SNURF: variants seen among roughly 807,000 people sequenced by gnomAD.
The protein encoded by SNURF is SNRPN upstream open reading frame, also known as SNURF protein.
Under a neutral mutation model 11.6 loss-of-function variants are expected in SNURF, and 6 were observed. The ratio of observed to expected loss-of-function variants is 0.52; its 90% confidence interval spans 0.28 to 1.02. The LOEUF is 1.02. Among genes scored for constraint, SNURF ranks in the 50% least tolerant of loss-of-function variants. The pLI is 0.09. For missense variants in SNURF, 84 were observed against 88.4 expected, an observed-to-expected ratio of 0.95 and a Z score of 0.20; for synonymous variants, 29 against 31.6, an observed-to-expected ratio of 0.92 and a Z score of 0.27.
At chr15:24,956,568 C>T (rs1263541786) in intron 1 of SNURF, among the ~76,000 whole-genome samples, 5 of 151,940 alleles carry the variant, frequency 3.3e-5, no homozygotes, top group Admixed American at 1.3e-4. Context: ...TGACAGTCGC[C>T]TCCGCTTGCA....
exon 3 of SNURF, chr15:24,968,319 GT>G (rs997261284): frequency 9.9e-5 from 30 of 302,344 alleles, no homozygotes; most frequent in Admixed American, 4.8e-4. Context: ...TTTCTTTTGC[GT>G]TTTTTTTAAT....
At chr15:24,978,174 C>G, downstream of SNURF, 1 of 1,607,474 alleles carries the variant, frequency 6.2e-7, no homozygotes, top group Non-Finnish European at 8.5e-7. Flanking sequence ...GCCTTTATTT[C>G]TACCATTTTT....
downstream of SNURF, among the ~76,000 whole-genome samples, chr15:24,969,843 A>G (rs2076175644): frequency 6.6e-6 from 1 of 152,194 alleles, no homozygotes. Flanking sequence ...CTATAAATGA[A>G]ATTTTATTGG....
rs71127030 is a variant in SNURF at position 24,958,486 on chromosome 15, G to GTTTTTTT, written c.14+3452_14+3458dup. On this transcript the variant is annotated intron_variant, in intron 1 of 2. Coordinates refer to ENST00000577949, the Ensembl canonical transcript of SNURF. ...ATTTCTGGATGCTAGCTGGCTCAAA[G>GTTTTTTT]TTTTTTTTTTTTTTTTTTTTTTTTT... Among the ~76,000 whole-genome samples, 12 of 65,298 alleles carry GTTTTTTT rather than the reference G, an allele frequency of 1.8e-4. 2 individuals carry two copies. The highest frequency in any genetic ancestry group is 5.2e-4 in the East Asian group (1 of 1,928). 42.8% of individuals were successfully genotyped at this position (65,298 alleles called of 152,430 possible).
intron 1 of SNURF, among the ~76,000 whole-genome samples, chr15:24,960,454 C>G (rs1237621501): frequency 6.6e-6 from 1 of 152,008 alleles, no homozygotes; most frequent in African/African-American, 2.4e-5. Flanking sequence ...GCCCTCTCAC[C>G]TTAGCCTCCT....
chr15:24,966,964 C>T (rs1241007391), intron 2 of SNURF: 1 of 152,076 alleles, frequency 6.6e-6, no homozygotes, highest in Non-Finnish European at 1.5e-5. Flanking sequence ...TCCCTGCTTA[C>T]CAGTAGATGA....
At chr15:24,978,578 C>T (rs2732052), downstream of SNURF, 285 of 818,358 alleles carry the variant, frequency 3.5e-4, 3 homozygotes, top group African/African-American at 3.0e-3. Context: ...AGCAATTAAA[C>T]TGTGAGGTAC....
exon 3 of SNURF, chr15:24,968,387 T>G (rs535006630): frequency 3.1e-5 from 6 of 191,120 alleles, no homozygotes; most frequent in Admixed American, 1.1e-4. Context: ...TGAATGTTTA[T>G]AATTTCCTTT....
chr15:24,967,360 C>A, intron 2 of SNURF: 1 of 155,104 alleles, frequency 6.4e-6, no homozygotes. Flanking sequence ...ATCTTCTTCC[C>A]TGGGCGTGGT....
chr15:24,966,294 T>G (rs1295936663), intron 2 of SNURF, among the ~76,000 whole-genome samples: 1 of 151,706 alleles, frequency 6.6e-6, no homozygotes, highest in Non-Finnish European at 1.5e-5. Flanking sequence ...GTTTTTTTTA[T>G]AAAGGATACA....
chr15:24,964,412 T>C (rs1244135189), intron 2 of SNURF, among the ~76,000 whole-genome samples: 1 of 152,050 alleles, frequency 6.6e-6, no homozygotes, highest in African/African-American at 2.4e-5. Flanking sequence ...CCTGCCTCAG[T>C]CTCCCAAGTA....
At chr15:24,976,231 G>A in intron 4 of SNURF, 1 of 1,125,546 alleles carries the variant, frequency 8.9e-7, no homozygotes, top group Admixed American at 1.8e-5. Context: ...ATTGATACTT[G>A]AGGTTGTATA....
In SNURF at chr15:24,956,396, A is replaced by AGGG. The variant is rs1175483944; in HGVS notation, c.14+1337_14+1339dup. 2.1e-5 allele frequency among the ~76,000 whole-genome samples: 3 copies of AGGG among 141,818 alleles called. No homozygotes were observed. In the East Asian group the frequency reaches 6.7e-4, roughly 32 times the overall value. The allele number at this position is 141,818 out of a possible 152,430, so 93.0% of individuals were successfully genotyped here. A position where few individuals can be genotyped will look rare whatever the true frequency, so the allele number is the denominator to read the frequency against. ...CCTCCCTGTAGAGCCGCCAGTGGGG[A>AGGG]GGGGGCAGGTGGTGTGTGTTCAGCT... On this transcript the variant is annotated intron_variant, in intron 1 of 2. Coordinates refer to ENST00000577949, the Ensembl canonical transcript of SNURF.
chr15:24,970,556 G>A (rs182518576), downstream of SNURF, among the ~76,000 whole-genome samples: 304 of 152,302 alleles, frequency 2.0e-3, 2 homozygotes, highest in Middle Eastern at 3.4e-3. Flanking sequence ...TTCAGCCTGC[G>A]TGACAGAGCA....
rs1358632412 is a variant in SNURF at position 24,976,472 on chromosome 15, T to C, written c.*309+56T>C. On this transcript the variant is annotated intron_variant and NMD_transcript_variant, in intron 5 of 6. Transcript: ENST00000580062. ...TAATTTGCAGGGACATCATATTATG[T>C]GAGATGTCTGAAATCAGGGTAGAGC... 6.6e-5 allele frequency: 77 copies of C among 1,158,222 alleles called. No individual in the cohort carries two copies. The Admixed American group carries it at 1.5e-3, about 22-fold the overall frequency. The allele number at this position is 1,158,222 out of a possible 1,614,324, so 71.7% of individuals were successfully genotyped here. A position where few individuals can be genotyped will look rare whatever the true frequency, so the allele number is the denominator to read the frequency against.
chr15:24,965,871 A>T (rs2075549251), intron 2 of SNURF, among the ~76,000 whole-genome samples: 1 of 151,232 alleles, frequency 6.6e-6, no homozygotes, highest in Non-Finnish European at 1.5e-5. Flanking sequence ...CATTATATAT[A>T]TTTTTTTTTA....
At chr15:24,961,415 C>G (rs2074785054) in intron 1 of SNURF, among the ~76,000 whole-genome samples, 1 of 152,114 alleles carries the variant, frequency 6.6e-6, no homozygotes, top group South Asian at 2.1e-4. Flanking sequence ...GCTGACCTTT[C>G]TGATTTATCA....
chr15:24,973,172 A>G (rs2076650056), downstream of SNURF, among the ~76,000 whole-genome samples: 1 of 151,940 alleles, frequency 6.6e-6, no homozygotes, highest in Non-Finnish European at 1.5e-5. Flanking sequence ...TATGGGCGTG[A>G]GCCACCACAC....
chr15:24,976,573 C>T (rs77138664), intron 5 of SNURF, among the ~76,000 whole-genome samples: 5,945 of 152,226 alleles, frequency 0.039, 389 homozygotes, highest in African/African-American at 0.14. Context: ...CTATGCTATT[C>T]GGGATTAGGG....
Sources: allele counts gnomAD v4.1 joint callset (sites outside exome capture counted in the v4.1 genomes callset), GRCh38; gene constraint gnomAD v4.1.1; transcripts MANE v1.5; gene names NCBI Gene and HGNC (gene_info 2026-07-23, HGNC 2026-07-21).